The following APCDD1 variants were observed in gnomAD, a reference collection of about 807,000 sequenced individuals.
APCDD1 encodes the protein APC down-regulated 1, also known as protein APCDD1.
Under a neutral mutation model 38.1 loss-of-function variants are expected in APCDD1, and 15 were observed. That is an observed-to-expected ratio of 0.39 (90% CI 0.26 to 0.61). APCDD1 has a LOEUF of 0.61. APCDD1 is among the 20% of genes least tolerant of loss of function. The pLI, the probability that APCDD1 is intolerant of heterozygous loss-of-function variation, is 0.49. For missense variants in APCDD1, 647 were observed against 696.2 expected (o/e 0.93, Z 0.79); for synonymous variants, 261 against 279.7 (o/e 0.93, Z 0.67).
At chr18:10,486,776 G>C (rs2031258344) in intron 4 of APCDD1, among the ~76,000 whole-genome samples, 1 of 152,074 alleles carries the variant, frequency 6.6e-6, no homozygotes, top group African/African-American at 2.4e-5. Flanking sequence ...GGATAGCCTC[G>C]ATCCCAGGTG....
chr18:10,463,333 G>T (rs766097260), intron 1 of APCDD1, among the ~76,000 whole-genome samples: 1 of 152,084 alleles, frequency 6.6e-6, no homozygotes, highest in Non-Finnish European at 1.5e-5. Flanking sequence ...TAGATGCTAT[G>T]TCCAGAACAG....
intron 1 of APCDD1, among the ~76,000 whole-genome samples, chr18:10,461,707 A>T (rs1301847762): frequency 1.3e-5 from 2 of 152,214 alleles, no homozygotes; most frequent in African/African-American, 4.8e-5. Flanking sequence ...CACTTTGAAG[A>T]CCAAAAACTC....
rs2031333960 is a variant in APCDD1 at position 10,489,944 on chromosome 18, A to C, written c.*1906A>C. 1 of 152,152 alleles carries C rather than the reference A, an allele frequency of 6.6e-6. No homozygotes were observed. Among genetic ancestry groups the C allele is most frequent in the Admixed American group, 6.5e-5 (1 of 15,276 alleles). The allele number at this position is 152,152 out of a possible 1,614,324, so 9.4% of individuals were successfully genotyped here. ...AAGACGTAATAAAATCATGTGAAAA[A>C]CTGTATTCACTGCTGAAGAATACCT... On this transcript the variant is annotated 3_prime_UTR_variant, in exon 5 of 5. Transcript: ENST00000355285.
At position 10,458,704 on chromosome 18, in the gene APCDD1, G is replaced by A. The variant is rs1434418260; in HGVS notation, c.58+3665G>A. Among the ~76,000 whole-genome samples the A allele has an allele frequency of 2.0e-5, 3 of 152,150 alleles. No individual in the cohort carries two copies. The South Asian group carries it at 6.2e-4, about 31-fold the overall frequency. ...CTGTGTAATTACATACTACTATTTA[G>A]GGACAGACTGATGACAATATAATCA... is the stretch of plus-strand genomic sequence containing the variant. On this transcript the variant is annotated intron_variant, in intron 1 of 4. Transcript: ENST00000355285.
rs1328894773 is a variant in APCDD1 at position 10,489,907 on chromosome 18, T to C, written c.*1869T>C. On this transcript the variant is annotated 3_prime_UTR_variant, in exon 5 of 5. Transcript: ENST00000355285. ...AAAATACTCTCAGAAATACAACTGA[T>C]ACTATCTTTAAAAGACGTAATAAAA... The C allele has an allele frequency of 6.6e-6, 1 of 152,164 alleles. No individual in the cohort carries two copies. Among genetic ancestry groups the C allele is most frequent in the Non-Finnish European group, 1.5e-5 (1 of 68,028 alleles). The allele number at this position is 152,164 out of a possible 1,614,324, so 9.4% of individuals were successfully genotyped here. A position where few individuals can be genotyped will look rare whatever the true frequency, so the allele number is the denominator to read the frequency against.
Position 10,487,628 on chromosome 18 carries a change from G to A in APCDD1, c.1135G>A (p.Ala379Thr), listed in dbSNP as rs1180132262. Residue 379 changes from alanine to threonine, a missense_variant, in exon 5 of 5, where the codon GCC (alanine) becomes ACC (threonine). Transcript: ENST00000355285. Reference protein sequence around the residue: ...MKVTPMDAATASLLNVFNGNE... With the variant: ...MKVTPMDAATTSLLNVFNGNE... The stretch of plus-strand genomic sequence containing the variant: ...GGTCACCCCCATGGATGCGGCCACA[G>A]CCTCACTGCTCAACGTCTTCAACGG... 1 of 1,614,160 alleles carries A rather than the reference G, an allele frequency of 6.2e-7. No homozygotes were observed. Among genetic ancestry groups the A allele is most frequent in the Non-Finnish European group, 8.5e-7 (1 of 1,180,046 alleles).
rs2030999544 is a variant in APCDD1 at position 10,476,269 on chromosome 18, CTT to C, written c.774+4210_774+4211del. 1.3e-5 allele frequency: 2 copies of C among 152,222 alleles called. No individual in the cohort carries two copies. The highest frequency in any genetic ancestry group is 4.8e-5 in the African/African-American group (2 of 41,456). The allele number at this position is 152,222 out of a possible 1,614,324, so 9.4% of individuals were successfully genotyped here. On this transcript the variant is annotated intron_variant, in intron 3 of 4. Coordinates refer to ENST00000355285, the MANE Select transcript of APCDD1 (RefSeq NM_153000.5). The surrounding 1 kb of genome is among the most constrained non-coding windows in gnomAD (Gnocchi z 5.8). ...ACAGGACACCGTGTAAAAATAGAAA[CTT>C]TAAGTCAACTTGTTTTTCTAAGCTT...
At chr18:10,457,389 G>T (rs1015692455) in intron 1 of APCDD1, among the ~76,000 whole-genome samples, 5 of 152,220 alleles carry the variant, frequency 3.3e-5, no homozygotes, top group Non-Finnish European at 5.9e-5. Context: ...ACTGATAGGC[G>T]CTTTGCAGGC....
intron 1 of APCDD1, among the ~76,000 whole-genome samples, chr18:10,458,691 ATAC>A (rs1390066326): frequency 1.3e-5 from 2 of 152,210 alleles, no homozygotes; most frequent in Non-Finnish European, 2.9e-5. Context: ...GTGTAATTAC[ATAC>A]TACTATTTAG....
intron 3 of APCDD1, among the ~76,000 whole-genome samples, chr18:10,482,049 C>G (rs550899072): frequency 6.6e-6 from 1 of 152,224 alleles, no homozygotes; most frequent in East Asian, 1.9e-4. Flanking sequence ...TCCCCTCCCC[C>G]GAGCCTTTGC....
Position 10,454,751 on chromosome 18 carries a change from G to C in APCDD1, c.-231G>C, listed in dbSNP as rs978803634. ...GAGAAGTCGGGGCGGGCGGCAGAGA[G>C]GCCGGGACGCGGACCGGGCCGGGGC... is the stretch of plus-strand genomic sequence containing the variant. On this transcript the variant is annotated 5_prime_UTR_variant, in exon 1 of 5. Transcript: ENST00000355285. 1.0e-6 allele frequency: 1 copy of C among 980,906 alleles called. No individual in the cohort carries two copies. Among genetic ancestry groups the C allele is most frequent in the African/African-American group, 1.8e-5 (1 of 56,742 alleles). 60.8% of individuals were successfully genotyped at this position (980,906 alleles called of 1,614,324 possible).
chr18:10,463,446 G>T (rs1207054519), intron 1 of APCDD1, among the ~76,000 whole-genome samples: 1 of 152,192 alleles, frequency 6.6e-6, no homozygotes, highest in Non-Finnish European at 1.5e-5. Context: ...ACAAACACAG[G>T]AGCTCCTTAG....
intron 1 of APCDD1, among the ~76,000 whole-genome samples, chr18:10,465,898 T>C (rs969026147): frequency 2.0e-5 from 3 of 152,238 alleles, no homozygotes; most frequent in Admixed American, 1.3e-4. Context: ...GCAGATCTAG[T>C]TTCAGACTTG....
At position 10,481,652 on chromosome 18, in the gene APCDD1, C is replaced by G. The variant is rs73942645; in HGVS notation, c.775-3810C>G. 9.1e-3 allele frequency among the ~76,000 whole-genome samples: 1,351 copies of G among 149,234 alleles called. 25 individuals are homozygous for G. Among genetic ancestry groups the G allele is most frequent in the African/African-American group, 0.032 (1,284 of 40,478 alleles). On this transcript the variant is annotated intron_variant, in intron 3 of 4. Coordinates refer to ENST00000355285, the MANE Select transcript of APCDD1 (RefSeq NM_153000.5). ...TTTAAAATGGCTAAGATGGCAAATT[C>G]TATGTTAGGTATTTTTTTAAACACA...
At chr18:10,457,685 G>T (rs970867787) in intron 1 of APCDD1, among the ~76,000 whole-genome samples, 14 of 152,200 alleles carry the variant, frequency 9.2e-5, no homozygotes, top group African/African-American at 3.4e-4. Context: ...GTCAGGTTAA[G>T]AAGTGCAAGA....
chr18:10,464,490 A>G (rs939474116), intron 1 of APCDD1, among the ~76,000 whole-genome samples: 1 of 152,298 alleles, frequency 6.6e-6, no homozygotes, highest in South Asian at 2.1e-4. Flanking sequence ...TGGTGCGATC[A>G]TAGCTCACTG....
At chr18:10,484,413 T>C (rs1318015527) in intron 3 of APCDD1, among the ~76,000 whole-genome samples, 1 of 152,262 alleles carries the variant, frequency 6.6e-6, no homozygotes, top group African/African-American at 2.4e-5. Flanking sequence ...TTTATTAAAA[T>C]AAATTTTAAT....
In APCDD1 at chr18:10,475,938, G is replaced by A. The variant is rs1003521025; in HGVS notation, c.774+3877G>A. 6 of 152,308 alleles carry A rather than the reference G, an allele frequency of 3.9e-5. No individual in the cohort carries two copies. The highest frequency in any genetic ancestry group is 8.8e-5 in the Non-Finnish European group (6 of 68,134). The allele number at this position is 152,308 out of a possible 1,614,324, so 9.4% of individuals were successfully genotyped here. A position where few individuals can be genotyped will look rare whatever the true frequency, so the allele number is the denominator to read the frequency against. On this transcript the variant is annotated intron_variant, in intron 3 of 4. Coordinates refer to ENST00000355285, the MANE Select transcript of APCDD1 (RefSeq NM_153000.5). This position sits in a 1 kb window ranked among gnomAD's most constrained non-coding sequence, Gnocchi z 4.0. ...TCAGATCCTTCCCCAGGACAGCTCT[G>A]AGAAGGAACAAAATGGACTCAGCCA...
At position 10,488,265 on chromosome 18, in the gene APCDD1, C is replaced by T. The variant is rs2031295408; in HGVS notation, c.*227C>T. The T allele has an allele frequency of 1.7e-6, 1 of 600,704 alleles. No individual in the cohort carries two copies. Among genetic ancestry groups the T allele is most frequent in the Admixed American group, 3.0e-5 (1 of 33,862 alleles). The allele number at this position is 600,704 out of a possible 1,614,324, so 37.2% of individuals were successfully genotyped here. On this transcript the variant is annotated 3_prime_UTR_variant, in exon 5 of 5. Coordinates refer to ENST00000355285, the MANE Select transcript of APCDD1 (RefSeq NM_153000.5). Reference sequence around the variant, plus strand: ...CTGATCCCTGGCCTGAGCAACTTCACAACAGTAATTGCACTTTAAGACAGC... The same window carrying T: ...CTGATCCCTGGCCTGAGCAACTTCATAACAGTAATTGCACTTTAAGACAGC...
Sources: gnomAD v4.1 joint callset for allele counts (sites outside exome capture counted in the v4.1 genomes callset) on GRCh38, gnomAD v4.1.1 for gene constraint, Gnocchi (gnomAD v3.1) non-coding constraint, MANE v1.5 for transcripts, NCBI Gene and HGNC (gene_info 2026-07-23, HGNC 2026-07-21) for gene names.